The following ZNF106 variants were observed in gnomAD, a reference collection of about 807,000 sequenced individuals.
The protein encoded by ZNF106 is zinc finger protein 106.
In ZNF106, 67 loss-of-function variants were observed where a neutral mutation model predicts 195.1. The ratio of observed to expected loss-of-function variants is 0.34; its 90% CI spans 0.28 to 0.42. The LOEUF is 0.42. Among genes scored for constraint, ZNF106 ranks in the 10% least tolerant of loss-of-function variants. The probability of loss-of-function intolerance (pLI) is 1.00; values close to 1 mark genes in which losing one functional copy is unlikely to be tolerated. For missense variants in ZNF106, 2,118 were observed against 2,304.5 expected (o/e 0.92, Z 1.66); for synonymous variants, 784 against 818.6 (o/e 0.96, Z 0.72).
intron 1 of ZNF106, among the ~76,000 whole-genome samples, chr15:42,478,958 C>A (rs1396316084): frequency 1.3e-5 from 2 of 152,200 alleles, no homozygotes. Flanking sequence ...TTTTCATTAT[C>A]ATTCAGTTCA....
chr15:42,427,179 C>T (rs2054890290), intron 15 of ZNF106, among the ~76,000 whole-genome samples: 1 of 152,156 alleles, frequency 6.6e-6, no homozygotes, highest in Non-Finnish European at 1.5e-5. Context: ...TCCTGTTTAA[C>T]CTTTTTCATG....
intron 1 of ZNF106, among the ~76,000 whole-genome samples, chr15:42,479,192 G>A (rs2056848268): frequency 6.6e-6 from 1 of 151,932 alleles, no homozygotes; most frequent in South Asian, 2.1e-4. Context: ...TGGCCAACAT[G>A]GTGAAACCCC....
chr15:42,428,852 C>G (rs1488467608), intron 14 of ZNF106, among the ~76,000 whole-genome samples: 3 of 152,058 alleles, frequency 2.0e-5, no homozygotes, highest in Non-Finnish European at 4.4e-5. Flanking sequence ...CAAGCTCCAC[C>G]TCCCCGGTTC....
chr15:42,473,231 T>C (rs548451855), intron 1 of ZNF106, among the ~76,000 whole-genome samples: 32 of 152,300 alleles, frequency 2.1e-4, no homozygotes, highest in African/African-American at 7.5e-4. Context: ...CGAAAAAATC[T>C]GAACTCCACA....
chr15:42,431,385 G>A (rs1000847413), intron 14 of ZNF106, among the ~76,000 whole-genome samples: 3 of 147,236 alleles, frequency 2.0e-5, no homozygotes, highest in Non-Finnish European at 3.0e-5. Context: ...GATGTTATAC[G>A]GTTCTTTTTT....
chr15:42,488,474 G>C (rs1406219386), intron 1 of ZNF106, among the ~76,000 whole-genome samples: 1 of 151,846 alleles, frequency 6.6e-6, no homozygotes, highest in Admixed American at 6.6e-5. Flanking sequence ...CTCGACTGTA[G>C]AGTTTCCACT....
intron 2 of ZNF106, among the ~76,000 whole-genome samples, chr15:42,471,525 G>A (rs2056668400): frequency 6.6e-6 from 1 of 152,118 alleles, no homozygotes; most frequent in African/African-American, 2.4e-5. Flanking sequence ...GTGGTCAGGA[G>A]TTCAAGACCA....
At position 42,417,332 on chromosome 15, in the gene ZNF106, G is replaced by T. The variant is rs1170649158; in HGVS notation, c.5693C>A (p.Ala1898Asp). The T allele has an allele frequency of 3.1e-6, 5 of 1,614,048 alleles. No homozygotes were observed. Among genetic ancestry groups the T allele is most frequent in the Non-Finnish European group, 4.2e-6 (5 of 1,179,976 alleles). The change falls in exon 22 of 22, where the codon GCT becomes GAT. Residue 1898 changes from alanine to aspartate, a missense_variant. Physicochemically the swap from Ala to Asp is moderately radical, Grantham distance 126. Coordinates refer to ENST00000564754, the MANE Select transcript of ZNF106 (RefSeq NM_001366845.3). ...QDAAGHIERH[A>D]EDDSKIDS The stretch of plus-strand genomic sequence containing the variant: ...TGAATCAATTTTGCTGTCATCTTCA[G>T]CATGTCGTTCAATATGTCCTGCAGC...
intron 14 of ZNF106, 75 bp from the exon 15 acceptor site, chr15:42,428,209 G>C (rs2054925614): frequency 7.9e-7 from 1 of 1,261,230 alleles, no homozygotes; most frequent in Admixed American, 1.9e-5. Context: ...CCTCCAGAAA[G>C]CAGACTTTAA....
In ZNF106 at chr15:42,439,981, CACTT is replaced by C. The variant is rs1354358546; in HGVS notation, c.3764-172_3764-169del. ...TCACCTACATACACTCCTATGACAA[CACTT>C]ACTACCCTCTGCCTTGCGTGAATCT... On this transcript the variant is annotated intron_variant, in intron 10 of 21. Transcript: ENST00000564754. Among the ~76,000 whole-genome samples the C allele has an allele frequency of 7.9e-5, 12 of 152,338 alleles. No individual in the cohort carries two copies. The East Asian group carries it at 2.3e-3, about 29-fold the overall frequency.
intron 17 of ZNF106, 129 bp from the exon 18 acceptor site, chr15:42,422,749 TAACTGTACAAATACAGTTAATAC>T: frequency 1.1e-6 from 1 of 943,388 alleles, no homozygotes; most frequent in Non-Finnish European, 1.5e-6. Flanking sequence ...TTAATTGTAT[TAACTGTACAAATACAGTTAATAC>T]AACTGTATTA....
rs1352296407 is a variant in ZNF106, at chr15:42,466,064, G to T, written c.105C>A (p.Asn35Lys). ...RSMLHHRELE[N>K]LKGRDISHEC... The stretch of plus-strand genomic sequence containing the variant: ...AGCCGTTCCCATACCTGCCCTTGAG[G>T]TTCTCAAGTTCCCTGTGATGCAACA... The change falls in exon 3 of 22, where the codon AAC (asparagine) becomes AAA (lysine). Residue 35 changes from asparagine to lysine, a missense_variant. Physicochemically the swap from Asn to Lys is moderately conservative, Grantham distance 94. Coordinates refer to ENST00000564754, the MANE Select transcript of ZNF106 (RefSeq NM_001366845.3). The T allele has an allele frequency of 6.5e-7, 1 of 1,533,414 alleles. No homozygotes were observed. The highest frequency in any genetic ancestry group is 8.7e-7 in the Non-Finnish European group (1 of 1,145,754). The allele number at this position is 1,533,414 out of a possible 1,614,324, so 95.0% of individuals were successfully genotyped here. A position where few individuals can be genotyped will look rare whatever the true frequency, so the allele number is the denominator to read the frequency against.
Position 42,456,681 on chromosome 15 carries a change from C to G in ZNF106, c.317+277G>C, listed in dbSNP as rs577673819. On this transcript the variant is annotated intron_variant, in intron 4 of 21. Transcript: ENST00000564754. ...AAAAAAAAAAAAAAAGATTTGGATA[C>G]CAATAAAGCCATTCTCAACATAGTT... 4.0e-5 allele frequency among the ~76,000 whole-genome samples: 6 copies of G among 151,632 alleles called. No homozygotes were observed. In the South Asian group the frequency reaches 1.0e-3, roughly 26 times the overall value.
At chr15:42,481,407 G>C (rs914466895) in intron 1 of ZNF106, among the ~76,000 whole-genome samples, 2 of 146,704 alleles carry the variant, frequency 1.4e-5, no homozygotes, top group Non-Finnish European at 3.0e-5. Context: ...ACCCAGGCTG[G>C]AGTGCAGTGT....
At position 42,433,858 on chromosome 15, in the gene ZNF106, T is replaced by C. The variant is rs577899897; in HGVS notation, c.4881+1526A>G. 4.6e-5 allele frequency among the ~76,000 whole-genome samples: 7 copies of C among 152,298 alleles called. No homozygotes were observed. In the South Asian group the frequency reaches 1.5e-3, roughly 32 times the overall value. On this transcript the variant is annotated intron_variant, in intron 14 of 21. Coordinates refer to ENST00000564754, the MANE Select transcript of ZNF106 (RefSeq NM_001366845.3). Reference sequence around the variant, plus strand: ...TTTTGTTTGTTTTGGTTAATTTTTATGCTTTTTTGAGGCAGGTTCTTGTTC... The same window carrying C: ...TTTTGTTTGTTTTGGTTAATTTTTACGCTTTTTTGAGGCAGGTTCTTGTTC...
At position 42,472,284 on chromosome 15, in the gene ZNF106, T is replaced by C; in HGVS notation, c.6A>G (p.Val2=). 1 of 1,535,942 alleles carries C rather than the reference T, an allele frequency of 6.5e-7. No individual in the cohort carries two copies. The highest frequency in any genetic ancestry group is 8.7e-7 in the Non-Finnish European group (1 of 1,146,798). Residue 2 remains valine, a synonymous_variant, in exon 2 of 22, where the codon GTA becomes GTG. Transcript: ENST00000564754. M[V]RERKCILCHI... is the part of the protein sequence containing the mutation. ...GGCATAATATGCATTTTCGTTCTCGTACCATAGTGACCAGATCTGAAGCAC... is the reference window on the plus strand; with the variant it reads ...GGCATAATATGCATTTTCGTTCTCGCACCATAGTGACCAGATCTGAAGCAC...
intron 1 of ZNF106, among the ~76,000 whole-genome samples, chr15:42,481,163 A>T (rs1490001428): frequency 6.6e-6 from 1 of 152,114 alleles, no homozygotes; most frequent in African/African-American, 2.4e-5. Flanking sequence ...AATGAAAAAG[A>T]AAGTTTTAAA....
chr15:42,477,887 C>G (rs1470235334), intron 1 of ZNF106, among the ~76,000 whole-genome samples: 1 of 150,688 alleles, frequency 6.6e-6, no homozygotes, highest in African/African-American at 2.4e-5. Context: ...TGAAACTCAG[C>G]CTCAAAAAAA....
rs2054514297 is a variant in ZNF106 at position 42,417,878 on chromosome 15, G to A, written c.5591C>T (p.Pro1864Leu). The A allele has an allele frequency of 6.2e-7, 1 of 1,613,944 alleles. No individual in the cohort carries two copies. Among genetic ancestry groups the A allele is most frequent in the African/African-American group, 1.3e-5 (1 of 74,906 alleles). The change falls in exon 21 of 22, where the codon CCC (proline) becomes CTC (leucine). Residue 1864 changes from proline (P) to leucine (L), a missense_variant. Pro to Leu is a moderately conservative substitution (Grantham distance 98). Transcript: ENST00000564754. ...GCGACATTTCAGAGTCTGGAAGTTG[G>A]GATTAGTGTGGTCGGTCAGCAAGTG... ...KQHLLTDHTN[P>L]NFQTLKCRWK...
Sources: allele counts gnomAD v4.1 joint callset (sites outside exome capture counted in the v4.1 genomes callset), GRCh38; gene constraint gnomAD v4.1.1; transcripts MANE v1.5; gene names NCBI Gene and HGNC (gene_info 2026-07-23, HGNC 2026-07-21).